The following WIPF2 variants were observed in gnomAD, a reference collection of about 807,000 sequenced individuals.
The protein encoded by WIPF2 is WAS/WASL-interacting protein family member 2.
A neutral mutation model predicts 38.8 loss-of-function variants in WIPF2; 23 were observed. That is an observed-to-expected ratio of 0.59 (90% CI 0.43 to 0.84). WIPF2 has a LOEUF of 0.84. WIPF2 is among the 40% of genes least tolerant of loss of function. WIPF2 has a pLI of 0.00. For synonymous variants in WIPF2, 210 were observed against 223.2 expected, an observed-to-expected ratio of 0.94 and a Z score of 0.53; for missense variants, 574 against 580.5, an observed-to-expected ratio of 0.99 and a Z score of 0.11.
chr17:40,262,721 G>C, intron 4 of WIPF2, 80 bp downstream of exon 4: 1 of 1,136,232 alleles, frequency 8.8e-7, no homozygotes, highest in Non-Finnish European at 1.3e-6. Flanking sequence ...TCAGGTTGAG[G>C]AGTATGGTAG....
intron 1 of WIPF2, among the ~76,000 whole-genome samples, chr17:40,222,253 C>T (rs2030265751): frequency 1.3e-5 from 2 of 151,702 alleles, no homozygotes; most frequent in South Asian, 2.1e-4. Flanking sequence ...AGGGTTTCAC[C>T]GTATTGGCCA....
At chr17:40,236,439 G>T (rs536158928) in intron 1 of WIPF2, among the ~76,000 whole-genome samples, 1 of 148,616 alleles carries the variant, frequency 6.7e-6, no homozygotes, top group Admixed American at 6.8e-5. Context: ...CCCGGTTCGA[G>T]CGATTCTTTT....
chr17:40,260,213 A>T (rs1184809510), intron 2 of WIPF2, among the ~76,000 whole-genome samples: 1 of 127,568 alleles, frequency 7.8e-6, no homozygotes, highest in African/African-American at 3.0e-5. Context: ...TTGCAGGCAC[A>T]TTCTCGCCCT....
chr17:40,256,985 C>CT lies in WIPF2; in HGVS notation c.63+474dup, dbSNP rs1252036150. Among the ~76,000 whole-genome samples the CT allele has an allele frequency of 1.9e-3, 274 of 146,378 alleles. 1 individual carries two copies. Among genetic ancestry groups the CT allele is most frequent in the African/African-American group, 5.2e-3 (210 of 40,068 alleles). On this transcript the variant is annotated intron_variant, in intron 2 of 7. Transcript: ENST00000323571. ...TTTTTGAGAAAAGTGGTGAGGATTC[C>CT]TTTTTTTTTTTGAAACGGAATCTCA...
intron 1 of WIPF2, among the ~76,000 whole-genome samples, chr17:40,248,621 AT>A (rs1198461757): frequency 6.6e-6 from 1 of 152,080 alleles, no homozygotes; most frequent in Non-Finnish European, 1.5e-5. Flanking sequence ...TCTACCAAAC[AT>A]TTATGTTTCA....
At chr17:40,229,421 A>G (rs2030649967) in intron 1 of WIPF2, among the ~76,000 whole-genome samples, 1 of 149,860 alleles carries the variant, frequency 6.7e-6, no homozygotes, top group African/African-American at 2.5e-5. Context: ...ACATTTATTC[A>G]TTTATTTATT....
intron 1 of WIPF2, among the ~76,000 whole-genome samples, chr17:40,232,828 G>C (rs1598469159): frequency 6.6e-6 from 1 of 151,334 alleles, no homozygotes; most frequent in Non-Finnish European, 1.5e-5. Flanking sequence ...AGTAGAGACA[G>C]GGTTTCACCA....
intron 1 of WIPF2, among the ~76,000 whole-genome samples, chr17:40,255,814 G>A (rs1386908898): frequency 2.7e-5 from 4 of 150,860 alleles, no homozygotes; most frequent in Non-Finnish European, 5.9e-5. Context: ...TTTTAGTAGA[G>A]ACGGGGTTTC....
intron 1 of WIPF2, among the ~76,000 whole-genome samples, chr17:40,224,752 A>G (rs149299122): frequency 2.6e-5 from 4 of 152,102 alleles, no homozygotes; most frequent in Non-Finnish European, 4.4e-5. Context: ...GGAGGGTGAC[A>G]GAAGCTGAGC....
At chr17:40,278,099 C>T in intron 7 of WIPF2, 86 bp from the exon 8 acceptor site, 1 of 1,449,508 alleles carries the variant, frequency 6.9e-7, no homozygotes. Context: ...CTTAAAGAGC[C>T]TGTCTCTCAT....
intron 1 of WIPF2, among the ~76,000 whole-genome samples, chr17:40,254,342 T>C (rs760308202): frequency 6.6e-6 from 1 of 152,134 alleles, no homozygotes; most frequent in African/African-American, 2.4e-5. Flanking sequence ...TAACCTTGCT[T>C]AGAAGCAGTT....
chr17:40,263,398 C>T (rs983159280), intron 4 of WIPF2, among the ~76,000 whole-genome samples: 1 of 152,138 alleles, frequency 6.6e-6, no homozygotes, highest in Non-Finnish European at 1.5e-5. Context: ...AATGCTTGCT[C>T]GCTCACCTTC....
At chr17:40,268,898 G>A (rs1048988508) in intron 5 of WIPF2, among the ~76,000 whole-genome samples, 1 of 152,186 alleles carries the variant, frequency 6.6e-6, no homozygotes, top group Non-Finnish European at 1.5e-5. Flanking sequence ...GAAAAGTACA[G>A]TGGGGGTCAG....
rs1269255578 is a variant in WIPF2 at position 40,220,602 on chromosome 17, T to C, written c.-70+1110T>C. ...ATATATATATATATATATATATATA[T>C]ATATATATATATATATGTATATATA... On this transcript the variant is annotated intron_variant, in intron 1 of 7. Coordinates refer to ENST00000323571, the MANE Select transcript of WIPF2 (RefSeq NM_133264.5). 9.9e-4 allele frequency: 93 copies of C among 94,034 alleles called. 3 individuals carry two copies. The highest frequency in any genetic ancestry group is 3.8e-3 in the African/African-American group (82 of 21,520). 5.8% of individuals were successfully genotyped at this position (94,034 alleles called of 1,614,324 possible).
chr17:40,245,589 C>T (rs888166213), intron 1 of WIPF2, among the ~76,000 whole-genome samples: 3 of 151,904 alleles, frequency 2.0e-5, no homozygotes, highest in South Asian at 2.1e-4. Context: ...GTGATCTACC[C>T]GCCTCGGCCT....
chr17:40,228,019 T>G lies in WIPF2; in HGVS notation c.-70+8527T>G, dbSNP rs1278140837. ...TTTTATACCTCTTTTTGTTTTTTTT[T>G]TTTTTTTTTTTTTTGAGACGGAGTC... On this transcript the variant is annotated intron_variant, in intron 1 of 7. Coordinates refer to ENST00000323571, the MANE Select transcript of WIPF2 (RefSeq NM_133264.5). Among the ~76,000 whole-genome samples, 10 of 120,578 alleles carry G rather than the reference T, an allele frequency of 8.3e-5. 1 individual carries two copies. Among genetic ancestry groups the G allele is most frequent in the Admixed American group, 4.7e-4 (6 of 12,792 alleles). 79.1% of individuals were successfully genotyped at this position (120,578 alleles called of 152,430 possible).
chr17:40,270,925 A>G (rs1257669435), intron 5 of WIPF2, among the ~76,000 whole-genome samples: 2 of 146,462 alleles, frequency 1.4e-5, no homozygotes, highest in African/African-American at 5.0e-5. Flanking sequence ...ACTGTGTTAC[A>G]TGCTTAACTA....
At chr17:40,252,224 G>A (rs542205834) in intron 1 of WIPF2, among the ~76,000 whole-genome samples, 17 of 152,172 alleles carry the variant, frequency 1.1e-4, no homozygotes, top group Non-Finnish European at 2.2e-4. Flanking sequence ...ACAGGCATAA[G>A]GCTGTTCCTT....
chr17:40,225,337 A>G (rs1231107057), intron 1 of WIPF2, among the ~76,000 whole-genome samples: 6 of 152,132 alleles, frequency 3.9e-5, no homozygotes, highest in Non-Finnish European at 7.3e-5. Context: ...CTACTAAAAA[A>G]AAAATGCTGA....
Sources: gnomAD v4.1 joint callset for allele counts (sites outside exome capture counted in the v4.1 genomes callset) on GRCh38, gnomAD v4.1.1 for gene constraint, MANE v1.5 for transcripts, NCBI Gene and HGNC (gene_info 2026-07-23, HGNC 2026-07-21) for gene names.